RYR1: variants seen among roughly 807,000 people sequenced by gnomAD.
RYR1 encodes ryanodine receptor 1, also known as central core disease of muscle.
Under a neutral mutation model 583.5 loss-of-function variants are expected in RYR1, and 342 were observed. The ratio of observed to expected loss-of-function variants is 0.59; its 90% CI spans 0.54 to 0.64. The LOEUF is 0.64. Ranked by LOEUF, RYR1 falls within the 30% of genes least tolerant of loss-of-function variation. RYR1 has a pLI of 0.00. For missense variants in RYR1, 6,032 were observed against 6,917.2 expected, an observed-to-expected ratio of 0.87 and a Z score of 4.54; for synonymous variants, 2,791 against 2,822.5, an observed-to-expected ratio of 0.99 and a Z score of 0.35.
chr19:38,530,968 A>C lies in RYR1; in HGVS notation c.11142-1522A>C, dbSNP rs372840259. 1.1e-3 allele frequency among the ~76,000 whole-genome samples: 136 copies of C among 128,606 alleles called. 1 individual carries two copies. The highest frequency in any genetic ancestry group is 3.8e-3 in the African/African-American group (133 of 34,708). The allele number at this position is 128,606 out of a possible 152,430, so 84.4% of individuals were successfully genotyped here. A position where few individuals can be genotyped will look rare whatever the true frequency, so the allele number is the denominator to read the frequency against. ...CAGGTGCATGCCACCATGCCCAGCTATTTTTCTTTTTTCTTTCTCTTTTTT... is the reference window on the plus strand; with the variant it reads ...CAGGTGCATGCCACCATGCCCAGCTCTTTTTCTTTTTTCTTTCTCTTTTTT... On this transcript the variant is annotated intron_variant, in intron 76 of 105. Transcript: ENST00000359596.
chr19:38,526,114 G>A (rs1971456579), intron 71 of RYR1, among the ~76,000 whole-genome samples: 1 of 151,918 alleles, frequency 6.6e-6, no homozygotes, highest in Non-Finnish European at 1.5e-5. Context: ...TGAACCCCAA[G>A]CCCGGGACTG....
At position 38,444,726 on chromosome 19, in the gene RYR1, C is replaced by T. The variant is rs57132842; in HGVS notation, c.631+49C>T. ...AAATGGAGATCCCCCCAAAACAGAC[C>T]CTTAATGTTGCCCTTCAGGCATACC... On this transcript the variant is annotated intron_variant, in intron 7 of 105. Coordinates refer to ENST00000359596, the MANE Select transcript of RYR1 (RefSeq NM_000540.3). This position sits in a 1 kb window ranked among gnomAD's most constrained non-coding sequence, Gnocchi z 5.1. 63,967 of 1,416,604 alleles carry T rather than the reference C, an allele frequency of 0.045. 1,840 individuals are homozygous for T. Among genetic ancestry groups the T allele is most frequent in the Middle Eastern group, 0.088 (506 of 5,724 alleles). The allele number at this position is 1,416,604 out of a possible 1,614,324, so 87.8% of individuals were successfully genotyped here.
Position 38,536,088 on chromosome 19 carries a change from G to C in RYR1, c.11590+18G>C, listed in dbSNP as rs367813174. Reference sequence around the variant, plus strand: ...TGGCACTGGTGAGGCCCTCCCTTGGGCTTCCCACCCCCTGAGACATCTTCC... The same window carrying C: ...TGGCACTGGTGAGGCCCTCCCTTGGCCTTCCCACCCCCTGAGACATCTTCC... On this transcript the variant is annotated intron_variant, in intron 82 of 105. Coordinates refer to ENST00000359596, the MANE Select transcript of RYR1 (RefSeq NM_000540.3). 19 of 1,604,530 alleles carry C rather than the reference G, an allele frequency of 1.2e-5. No individual in the cohort carries two copies. Among genetic ancestry groups the C allele is most frequent in the Non-Finnish European group, 1.6e-5 (19 of 1,177,222 alleles).
intron 20 of RYR1, among the ~76,000 whole-genome samples, chr19:38,462,850 GA>G (rs1967831344): frequency 6.6e-6 from 1 of 150,724 alleles, no homozygotes; most frequent in Non-Finnish European, 1.5e-5. Context: ...GTCCACGGGG[GA>G]GACAGACCCG....
At position 38,565,105 on chromosome 19, in the gene RYR1, G is replaced by A. The variant is rs1741060321; in HGVS notation, c.12771G>A (p.Pro4257=). The A allele has an allele frequency of 2.6e-6, 4 of 1,546,052 alleles. No homozygotes were observed. Among genetic ancestry groups the A allele is most frequent in the African/African-American group, 1.4e-5 (1 of 73,384 alleles). The part of the protein sequence containing the change: ...AAQISEPEGE[P]ETDEDEGAGA... ...AGATCTCGGAGCCCGAGGGCGAGCC[G>A]GAGACCGACGAGGACGAGGGCGCGG... The change falls in exon 91 of 106, where the codon CCG becomes CCA. Residue 4257 remains proline (P), a synonymous_variant. Transcript: ENST00000359596. The surrounding 1 kb of genome is among the most constrained non-coding windows in gnomAD (Gnocchi z 4.7).
intron 20 of RYR1, among the ~76,000 whole-genome samples, chr19:38,462,525 G>A (rs1031196901): frequency 2.7e-5 from 4 of 148,688 alleles, no homozygotes; most frequent in Non-Finnish European, 4.4e-5. Flanking sequence ...CCCATGTCCC[G>A]CCCAAGTCCA....
In RYR1 at chr19:38,534,713, T is replaced by G. The variant is rs1330899688; in HGVS notation, c.11260-7T>G. The G allele has an allele frequency of 1.9e-6, 3 of 1,613,122 alleles. No homozygotes were observed. The highest frequency in any genetic ancestry group is 1.7e-5 in the Admixed American group (1 of 59,894). ...ACTTGCCTTCATGTGTCTGCCTCCC[T>G]TCCCAGGAGAAACAGATGGAGAAGC... On this transcript the variant is annotated splice_region_variant and splice_polypyrimidine_tract_variant and intron_variant, in intron 78 of 105. Transcript: ENST00000359596.
intron 67 of RYR1, among the ~76,000 whole-genome samples, chr19:38,520,693 C>CAAAAAAAAAAAAAAAAAAAAAAAAAAA (rs71165555): frequency 2.6e-4 from 12 of 46,904 alleles, no homozygotes; most frequent in African/African-American, 4.4e-4. Flanking sequence ...GGCTCCACCT[C>CAAAAAAAAAAAAAAAAAAAAAAAAAAA]AAAAAAAAAA....
chr19:38,553,561 G>A (rs1972756965), intron 89 of RYR1, among the ~76,000 whole-genome samples: 1 of 151,888 alleles, frequency 6.6e-6, no homozygotes, highest in Admixed American at 6.6e-5. Context: ...GACTGAGCTG[G>A]GAGGATCCTT....
chr19:38,565,015 T>C lies in RYR1; in HGVS notation c.12681T>C (p.Ala4227=). The C allele has an allele frequency of 6.3e-7, 1 of 1,591,988 alleles. No homozygotes were observed. The highest frequency in any genetic ancestry group is 2.3e-5 in the East Asian group (1 of 44,048). ...IFDVVNEGGE[A]EKMELFVSFC... ...ACGTGGTGAACGAGGGCGGCGAGGC[T>C]GAGAAGATGGAGCTCTTCGTGAGTT... Residue 4227 remains alanine, a synonymous_variant, in exon 91 of 106, where the codon GCT becomes GCC. Coordinates refer to ENST00000359596, the MANE Select transcript of RYR1 (RefSeq NM_000540.3). The surrounding 1 kb of genome is among the most constrained non-coding windows in gnomAD (Gnocchi z 4.7).
chr19:38,569,993 G>A (rs1345298925), intron 93 of RYR1, among the ~76,000 whole-genome samples: 6 of 152,070 alleles, frequency 3.9e-5, no homozygotes, highest in East Asian at 1.9e-4. Flanking sequence ...GTGAGACCCC[G>A]TCTCTACTGA....
chr19:38,500,133 A>T lies in RYR1; in HGVS notation c.7323+117A>T. ...TCCCATATGTGGGTGGTCCTGGACT[A>T]GCAATGTTGGGGACACAACAGTGAC... On this transcript the variant is annotated intron_variant, in intron 45 of 105. Transcript: ENST00000359596. This position sits in a 1 kb window ranked among gnomAD's most constrained non-coding sequence, Gnocchi z 5.9. The T allele has an allele frequency of 1.1e-6, 1 of 913,856 alleles. No individual in the cohort carries two copies. The highest frequency in any genetic ancestry group is 2.6e-5 in the East Asian group (1 of 38,422). The allele number at this position is 913,856 out of a possible 1,614,324, so 56.6% of individuals were successfully genotyped here.
At position 38,442,343 on chromosome 19, in the gene RYR1, C is replaced by T. The variant is rs1335436916; in HGVS notation, c.166-6C>T. ...ACCCCTCACTTACATCCCCCTCCCA[C>T]CCCAGAATGTGCCCCCCGATCTGGC... On this transcript the variant is annotated splice_region_variant and splice_polypyrimidine_tract_variant and intron_variant, in intron 2 of 105. Transcript: ENST00000359596. The T allele has an allele frequency of 6.2e-7, 1 of 1,602,824 alleles. No homozygotes were observed. The highest frequency in any genetic ancestry group is 8.5e-7 in the Non-Finnish European group (1 of 1,170,180).
chr19:38,459,440 C>T (rs934101251), intron 19 of RYR1, 102 bp downstream of exon 19: 25 of 1,124,526 alleles, frequency 2.2e-5, no homozygotes, highest in Admixed American at 4.0e-5. Context: ...CAGGACACTG[C>T]AGCCTACCAT....
At chr19:38,468,042 C>T (rs1224885299) in intron 25 of RYR1, among the ~76,000 whole-genome samples, 3 of 135,404 alleles carry the variant, frequency 2.2e-5, no homozygotes, top group African/African-American at 8.4e-5. Context: ...TCCATCCATC[C>T]ATCCATCATC....
At chr19:38,502,812 G>A in intron 48 of RYR1, 68 bp from the exon 49 acceptor site, 2 of 1,045,106 alleles carry the variant, frequency 1.9e-6, no homozygotes, top group Non-Finnish European at 2.4e-6. Flanking sequence ...GGCAGGGGGA[G>A]GAGCAGGGGC....
chr19:38,561,075 C>T lies in RYR1; in HGVS notation c.12283-38C>T. ...AAAAAAAAGAGAGAGAATTGAGGCT[C>T]TCCAGGTCACCCCACTGACCTCCCT... On this transcript the variant is annotated intron_variant, in intron 89 of 105. Transcript: ENST00000359596. This position sits in a 1 kb window ranked among gnomAD's most constrained non-coding sequence, Gnocchi z 4.8. 6.5e-7 allele frequency: 1 copy of T among 1,540,186 alleles called. No homozygotes were observed. The highest frequency in any genetic ancestry group is 2.2e-5 in the East Asian group (1 of 44,548).
rs1973144468 is a variant in RYR1, at chr19:38,561,551, G to C, written c.12624+97G>C. The C allele has an allele frequency of 2.5e-6, 3 of 1,194,180 alleles. No individual in the cohort carries two copies. The highest frequency in any genetic ancestry group is 2.4e-6 in the Non-Finnish European group (2 of 849,444). The allele number at this position is 1,194,180 out of a possible 1,614,324, so 74.0% of individuals were successfully genotyped here. On this transcript the variant is annotated intron_variant, in intron 90 of 105. Transcript: ENST00000359596. This position sits in a 1 kb window ranked among gnomAD's most constrained non-coding sequence, Gnocchi z 4.8. ...CTCAGACCCCACGGGGGCTGTGCGT[G>C]CCTCGCATATCTGCCCTGCTCCGGC...
chr19:38,558,398 C>T (rs371530338), intron 89 of RYR1, among the ~76,000 whole-genome samples: 1 of 152,176 alleles, frequency 6.6e-6, no homozygotes, highest in Non-Finnish European at 1.5e-5. Context: ...GAATGGATAA[C>T]GCATTAACCC....
Sources: allele counts gnomAD v4.1 joint callset (sites outside exome capture counted in the v4.1 genomes callset), GRCh38; gene constraint gnomAD v4.1.1; non-coding constraint Gnocchi (gnomAD v3.1); transcripts MANE v1.5; gene names NCBI Gene and HGNC (gene_info 2026-07-23, HGNC 2026-07-21).